The following SGTA variants were observed in gnomAD, a reference collection of about 807,000 sequenced individuals.
SGTA encodes the protein small glutamine rich tetratricopeptide repeat co-chaperone alpha, also known as small glutamine-rich tetratricopeptide repeat-containing protein alpha.
In SGTA, 22 loss-of-function variants were observed where a neutral mutation model predicts 44.3. The observed-to-expected ratio is 0.50, with a 90% CI of 0.36 to 0.71. SGTA has a LOEUF of 0.71. Ranked by LOEUF, SGTA falls within the 30% of genes least tolerant of loss-of-function variation. The probability of loss-of-function intolerance (pLI) is 0.00; values close to 1 mark genes in which losing one functional copy is unlikely to be tolerated. For synonymous variants in SGTA, 174 were observed against 177.6 expected, an observed-to-expected ratio of 0.98 and a Z score of 0.16; for missense variants, 341 against 435.9, an observed-to-expected ratio of 0.78 and a Z score of 1.94.
intron 8 of SGTA, among the ~76,000 whole-genome samples, chr19:2,759,919 C>T (rs908566686): frequency 2.6e-5 from 4 of 152,006 alleles, no homozygotes; most frequent in Admixed American, 6.6e-5. Context: ...GAGATCACAC[C>T]GCTGCACTCC....
Position 2,767,152 on chromosome 19 carries a change from C to T in SGTA, c.276G>A (p.Glu92=), listed in dbSNP as rs1381699482. 6.2e-7 allele frequency: 1 copy of T among 1,612,124 alleles called. No homozygotes were observed. The highest frequency in any genetic ancestry group is 1.1e-5 in the South Asian group (1 of 90,556). The stretch of plus-strand genomic sequence containing the variant: ...CTCCCTTACCTTCGGTTTTGAGGCG[C>T]TCTGCCTCTGCTGAGTCCTCCTCGG... ...PPSEEDSAEA[E]RLKTEGNEQM... Residue 92 remains glutamate, a synonymous_variant, in exon 4 of 12, where the codon GAG becomes GAA. Transcript: ENST00000221566. This position sits in a 1 kb window ranked among gnomAD's most constrained non-coding sequence, Gnocchi z 7.3.
intron 1 of SGTA, among the ~76,000 whole-genome samples, chr19:2,776,904 A>G (rs1416210252): frequency 6.7e-6 from 1 of 149,020 alleles, no homozygotes; most frequent in Non-Finnish European, 1.5e-5. Flanking sequence ...TGGAGGCTGC[A>G]GTGAGCTGCG....
chr19:2,774,672 T>A (rs1915402580), intron 1 of SGTA, among the ~76,000 whole-genome samples: 1 of 152,050 alleles, frequency 6.6e-6, no homozygotes, highest in Non-Finnish European at 1.5e-5. Flanking sequence ...GAACGTCAAC[T>A]ATGTAAAATA....
chr19:2,759,465 C>T (rs555997819), intron 8 of SGTA, 171 bp from the exon 9 acceptor site: 1 of 616,860 alleles, frequency 1.6e-6, no homozygotes, highest in Non-Finnish European at 2.9e-6. Flanking sequence ...TTCGCCCCCC[C>T]ACCCACGAGC....
Position 2,775,218 on chromosome 19 carries a change from G to A in SGTA, c.-23-6127C>T, listed in dbSNP as rs111466148. On this transcript the variant is annotated intron_variant, in intron 1 of 11. Coordinates refer to ENST00000221566, the MANE Select transcript of SGTA (RefSeq NM_003021.4). Reference sequence around the variant, plus strand: ...TGGAGCCACAGGCACGGCAGGATCCGCGCCCGGCAGGCGCCTGACCTGCCC... The same window carrying A: ...TGGAGCCACAGGCACGGCAGGATCCACGCCCGGCAGGCGCCTGACCTGCCC... Among the ~76,000 whole-genome samples the A allele has an allele frequency of 6.3e-4, 96 of 152,370 alleles. 1 individual carries two copies. The highest frequency in any genetic ancestry group is 2.1e-3 in the African/African-American group (87 of 41,594).
At chr19:2,779,978 A>C (rs1915535376) in intron 1 of SGTA, among the ~76,000 whole-genome samples, 1 of 152,038 alleles carries the variant, frequency 6.6e-6, no homozygotes, top group South Asian at 2.1e-4. Flanking sequence ...AGTCCCAGCT[A>C]CTTGGGAGGC....
intron 1 of SGTA, among the ~76,000 whole-genome samples, chr19:2,774,165 C>T (rs1479541601): frequency 2.6e-5 from 4 of 152,206 alleles, no homozygotes; most frequent in Non-Finnish European, 4.4e-5. Context: ...CCCAGCAAAC[C>T]GACACTAACA....
intron 7 of SGTA, among the ~76,000 whole-genome samples, chr19:2,762,192 T>A (rs1345018717): frequency 6.6e-6 from 1 of 152,014 alleles, no homozygotes; most frequent in African/African-American, 2.4e-5. Context: ...TCTAATGAAA[T>A]GGCTCCAACC....
intron 7 of SGTA, 110 bp downstream of exon 7, chr19:2,762,396 C>T: frequency 9.1e-7 from 1 of 1,102,086 alleles, no homozygotes; most frequent in Non-Finnish European, 1.3e-6. Flanking sequence ...AAACCCCGGA[C>T]CCTCACGACA....
chr19:2,765,308 C>T lies in SGTA; in HGVS notation c.293-23G>A, dbSNP rs201315316. The T allele has an allele frequency of 4.1e-3, 6,499 of 1,568,882 alleles. 11 individuals carry two copies. Among genetic ancestry groups the T allele is most frequent in the Non-Finnish European group, 5.0e-3 (5,716 of 1,140,768 alleles). On this transcript the variant is annotated intron_variant, in intron 4 of 11. Transcript: ENST00000221566. The surrounding 1 kb of genome is among the most constrained non-coding windows in gnomAD (Gnocchi z 5.5). ...TTCCTACAGGGAGAGAGGAAAACAC[C>T]GGCCCGGTGTCCACACAGACCGGAG...
chr19:2,775,332 G>A (rs1204046764), intron 1 of SGTA, among the ~76,000 whole-genome samples: 1 of 152,196 alleles, frequency 6.6e-6, no homozygotes, highest in Non-Finnish European at 1.5e-5. Context: ...TAGAAAATGA[G>A]GCGTGGGCTG....
At chr19:2,775,861 G>T (rs892715352) in intron 1 of SGTA, among the ~76,000 whole-genome samples, 82 of 152,318 alleles carry the variant, frequency 5.4e-4, no homozygotes, top group African/African-American at 1.9e-3. Context: ...ATGTTTTAAA[G>T]GGGGAGAAAT....
chr19:2,757,336 C>T lies in SGTA; in HGVS notation c.*6+1G>A. 6 of 1,600,688 alleles carry T rather than the reference C, an allele frequency of 3.7e-6. No individual in the cohort carries two copies. The highest frequency in any genetic ancestry group is 5.1e-6 in the Non-Finnish European group (6 of 1,179,654). On this transcript the variant is annotated splice_donor_variant, in intron 11 of 11. Coordinates refer to ENST00000221566, the MANE Select transcript of SGTA (RefSeq NM_003021.4). LOFTEE classifies it low-confidence loss of function (3UTR_SPLICE). ...CCCAGCCCCCGGCCCCATGCACTCA[C>T]GCAGCGTCACTCCTGCTGGTCGTCG...
chr19:2,766,783 T>A (rs749702976), intron 4 of SGTA, among the ~76,000 whole-genome samples: 6 of 151,670 alleles, frequency 4.0e-5, no homozygotes, highest in Non-Finnish European at 8.8e-5. Context: ...TGAACATGTG[T>A]CTGGGTTTTG....
At chr19:2,778,440 G>A (rs185561516) in intron 1 of SGTA, among the ~76,000 whole-genome samples, 45 of 152,134 alleles carry the variant, frequency 3.0e-4, no homozygotes, top group African/African-American at 1.1e-3. Context: ...TTCCAGTGCC[G>A]CCGGTGCCTC....
At chr19:2,772,424 T>A (rs1471492379) in intron 1 of SGTA, among the ~76,000 whole-genome samples, 1 of 152,234 alleles carries the variant, frequency 6.6e-6, no homozygotes, top group Non-Finnish European at 1.5e-5. Flanking sequence ...CTCCTCCTTC[T>A]GAGCCAGCAC....
At chr19:2,758,357 C>T (rs1914888489) in intron 9 of SGTA, among the ~76,000 whole-genome samples, 1 of 152,044 alleles carries the variant, frequency 6.6e-6, no homozygotes, top group Non-Finnish European at 1.5e-5. Flanking sequence ...GGTGAAACCC[C>T]ATCTCTACTA....
At chr19:2,757,649 C>T (rs758867160) in intron 10 of SGTA, 44 bp downstream of exon 10, 15 of 1,488,242 alleles carry the variant, frequency 1.0e-5, no homozygotes, top group Non-Finnish European at 1.4e-5. Flanking sequence ...CGAGCCCTGC[C>T]CGCCGCCCAC....
intron 1 of SGTA, among the ~76,000 whole-genome samples, chr19:2,781,122 C>T (rs900643298): frequency 2.0e-5 from 3 of 152,194 alleles, no homozygotes; most frequent in African/African-American, 7.2e-5. Context: ...CTGAGCACTT[C>T]CTACCAGAGC....
Sources: allele counts gnomAD v4.1 joint callset (sites outside exome capture counted in the v4.1 genomes callset), GRCh38; gene constraint gnomAD v4.1.1; non-coding constraint Gnocchi (gnomAD v3.1); transcripts MANE v1.5; gene names NCBI Gene and HGNC (gene_info 2026-07-23, HGNC 2026-07-21).